TRMT11: variants seen among roughly 807,000 people sequenced by gnomAD.
The protein encoded by TRMT11 is tRNA methyltransferase 11.
Under a neutral mutation model 62.8 loss-of-function variants are expected in TRMT11, and 53 were observed. The observed-to-expected ratio is 0.84, with a 90% CI of 0.68 to 1.06. The LOEUF is 1.06. TRMT11 is among the 50% of genes least tolerant of loss of function. The pLI is 0.00. For missense variants in TRMT11, 556 were observed against 553.4 expected, an observed-to-expected ratio of 1.00 and a Z score of -0.05; for synonymous variants, 188 against 190.3, an observed-to-expected ratio of 0.99 and a Z score of 0.10.
intron 17 of TRMT11, among the ~76,000 whole-genome samples, chr6:126,061,951 C>G (rs1403662876): frequency 1.3e-5 from 2 of 152,230 alleles, no homozygotes; most frequent in African/African-American, 4.8e-5. Context: ...GGCACCATCA[C>G]AGCTCACTGC....
At chr6:126,243,280 A>G in the TRMT11 span, among the ~76,000 whole-genome samples, 15 of 152,188 alleles carry the variant, frequency 9.9e-5, no homozygotes, top group African/African-American at 3.4e-4. Flanking sequence ...AAAAGTCAGG[A>G]AACAACAGGT....
intron 21 of TRMT11, among the ~76,000 whole-genome samples, chr6:126,166,763 T>G (rs962555598): frequency 6.6e-6 from 1 of 152,180 alleles, no homozygotes; most frequent in African/African-American, 2.4e-5. Flanking sequence ...GTTTTATCTA[T>G]AAGCCCCTGA....
At chr6:126,014,924 G>A (rs960506551) in intron 11 of TRMT11, among the ~76,000 whole-genome samples, 4 of 151,860 alleles carry the variant, frequency 2.6e-5, no homozygotes, top group African/African-American at 9.7e-5. Flanking sequence ...GCCAGATCTC[G>A]TATACTTAGT....
the TRMT11 span, among the ~76,000 whole-genome samples, chr6:126,243,855 C>G: frequency 6.6e-6 from 1 of 151,976 alleles, no homozygotes; most frequent in Non-Finnish European, 1.5e-5. Flanking sequence ...ATGGGTGGAG[C>G]AAGCCAACAT....
At chr6:126,232,273 AAG>A in the TRMT11 span, among the ~76,000 whole-genome samples, 1 of 152,094 alleles carries the variant, frequency 6.6e-6, no homozygotes, top group Non-Finnish European at 1.5e-5. Flanking sequence ...CTACAAAAGT[AAG>A]AGATTCCCAG....
At chr6:126,189,503 TTA>T (rs1778568588) in intron 1 of TRMT11, among the ~76,000 whole-genome samples, 1 of 152,168 alleles carries the variant, frequency 6.6e-6, no homozygotes, top group African/African-American at 2.4e-5. Context: ...AAATCCTCTT[TTA>T]TGTTTCCCAA....
At chr6:126,111,645 C>A (rs576097151) in intron 17 of TRMT11, among the ~76,000 whole-genome samples, 3 of 152,170 alleles carry the variant, frequency 2.0e-5, no homozygotes, top group African/African-American at 7.2e-5. Context: ...ATTATTTCTG[C>A]AGTTCACACA....
Position 125,986,628 on chromosome 6 carries a change from T to C in TRMT11, c.72+6T>C, listed in dbSNP as rs1467786243. The C allele has an allele frequency of 4.4e-6, 7 of 1,577,996 alleles. No individual in the cohort carries two copies. The Admixed American group carries it at 7.4e-5, about 17-fold the overall frequency. ...ATCTGGAGTTCCGCCTGCCGGTGAG[T>C]CCGTAGCGCCCTCCGGAACTTCCGA... On this transcript the variant is annotated splice_donor_region_variant and intron_variant, in intron 1 of 12. Transcript: ENST00000334379.
At chr6:126,205,863 C>A (rs1376935003), downstream of TRMT11, among the ~76,000 whole-genome samples, 2 of 151,334 alleles carry the variant, frequency 1.3e-5, no homozygotes, top group African/African-American at 2.4e-5. Flanking sequence ...AACACACAGA[C>A]AACAAGCTCA....
intron 8 of TRMT11, among the ~76,000 whole-genome samples, chr6:126,010,226 TA>T (rs1793972844): frequency 6.6e-6 from 1 of 152,104 alleles, no homozygotes; most frequent in African/African-American, 2.4e-5. Context: ...CACAGATTTA[TA>T]GCATTTGACA....
At chr6:126,041,417 A>G (rs1255729570), downstream of TRMT11, among the ~76,000 whole-genome samples, 1 of 152,164 alleles carries the variant, frequency 6.6e-6, no homozygotes, top group African/African-American at 2.4e-5. Flanking sequence ...GTTGTGTTAT[A>G]TAGATGCCAA....
intron 1 of TRMT11, among the ~76,000 whole-genome samples, chr6:125,993,288 A>T (rs760765300): frequency 2.6e-5 from 4 of 152,228 alleles, no homozygotes; most frequent in Non-Finnish European, 4.4e-5. Context: ...AGTATCTATT[A>T]TGTTAGTTCT....
chr6:126,107,963 C>G (rs1777483205), intron 17 of TRMT11, among the ~76,000 whole-genome samples: 1 of 152,128 alleles, frequency 6.6e-6, no homozygotes, highest in Non-Finnish European at 1.5e-5. Flanking sequence ...TCCTGTTGAG[C>G]ATTTATATCT....
chr6:125,990,334 A>G (rs1342845786), intron 1 of TRMT11, among the ~76,000 whole-genome samples: 2 of 152,200 alleles, frequency 1.3e-5, no homozygotes, highest in East Asian at 1.9e-4. Flanking sequence ...ACTCATTTTC[A>G]GGTGTTAAGC....
At chr6:126,231,954 G>A in the TRMT11 span, among the ~76,000 whole-genome samples, 1 of 152,144 alleles carries the variant, frequency 6.6e-6, no homozygotes, top group Non-Finnish European at 1.5e-5. Flanking sequence ...GAGAGTGTTT[G>A]TAATAGAATT....
the TRMT11 span, among the ~76,000 whole-genome samples, chr6:126,260,175 G>A: frequency 6.6e-6 from 1 of 151,994 alleles, no homozygotes; most frequent in Non-Finnish European, 1.5e-5. Context: ...TTGTGGTTTG[G>A]TGTGAAGCTT....
At chr6:126,235,352 G>A in the TRMT11 span, among the ~76,000 whole-genome samples, 1 of 151,966 alleles carries the variant, frequency 6.6e-6, no homozygotes, top group African/African-American at 2.4e-5. Context: ...ACCATTACTG[G>A]GTATATACTC....
upstream of TRMT11, among the ~76,000 whole-genome samples, chr6:126,176,036 A>G (rs187986516): frequency 1.2e-3 from 180 of 152,352 alleles, no homozygotes; most frequent in African/African-American, 4.2e-3. Flanking sequence ...GTTAGGAAAT[A>G]ACATCATTAA....
the TRMT11 span, among the ~76,000 whole-genome samples, chr6:126,253,135 T>C: frequency 1.3e-5 from 2 of 152,024 alleles, no homozygotes; most frequent in Non-Finnish European, 2.9e-5. Flanking sequence ...AAAATGTGTA[T>C]ACATATGTAC....
Sources: gnomAD v4.1 joint callset for allele counts (sites outside exome capture counted in the v4.1 genomes callset) on GRCh38, gnomAD v4.1.1 for gene constraint, MANE v1.5 for transcripts, NCBI Gene and HGNC (gene_info 2026-07-23, HGNC 2026-07-21) for gene names.